NR2C1: variants seen among roughly 807,000 people sequenced by gnomAD.
NR2C1 encodes the protein TR2 nuclear hormone receptor.
A neutral mutation model predicts 74.8 loss-of-function variants in NR2C1; 33 were observed. The ratio of observed to expected loss-of-function variants is 0.44; its 90% confidence interval spans 0.33 to 0.59. NR2C1 has a LOEUF of 0.59. Ranked by LOEUF, NR2C1 falls within the 20% of genes least tolerant of loss-of-function variation. The pLI is 0.02. For synonymous variants in NR2C1, 225 were observed against 240.6 expected, an observed-to-expected ratio of 0.94 and a Z score of 0.60; for missense variants, 568 against 715.6, an observed-to-expected ratio of 0.79 and a Z score of 2.35.
At chr12:95,053,681 GTTTTTTTT>G (rs550069594) in intron 7 of NR2C1, among the ~76,000 whole-genome samples, 2 of 103,414 alleles carry the variant, frequency 1.9e-5, no homozygotes, top group Non-Finnish European at 3.8e-5. Context: ...TCTTTTTGGT[GTTTTTTTT>G]TTTTTTTTTT....
chr12:95,029,936 A>G (rs1869859244), intron 11 of NR2C1, among the ~76,000 whole-genome samples: 1 of 151,934 alleles, frequency 6.6e-6, no homozygotes, highest in African/African-American at 2.4e-5. Context: ...TGGTGCCATC[A>G]TAGCTCACTG....
rs1419382182 is a variant in NR2C1, at chr12:95,031,487, G to C, written c.1255C>G (p.Gln419Glu). The change falls in exon 11 of 14, where the codon CAA becomes GAA. Residue 419 changes from glutamine to glutamate, a missense_variant and splice_region_variant. Gln to Glu is a conservative substitution (Grantham distance 29). This residue lies in a region of NR2C1 where 39 missense variants were observed against 64.6 expected (regional missense o/e 0.60). Coordinates refer to ENST00000333003, the MANE Select transcript of NR2C1 (RefSeq NM_003297.4). ...LSIPSFQALG[Q>E]ENSISLVKAY... ...TTCACCAGTGATATGCTGTTTTCTTGCCTATTAAAAACAGTAATAAAAGCA... is the reference window on the plus strand; with the variant it reads ...TTCACCAGTGATATGCTGTTTTCTTCCCTATTAAAAACAGTAATAAAAGCA... 3 of 1,584,726 alleles carry C rather than the reference G, an allele frequency of 1.9e-6. No individual in the cohort carries two copies. The highest frequency in any genetic ancestry group is 1.7e-6 in the Non-Finnish European group (2 of 1,169,358).
rs75808930 is a variant in NR2C1, at chr12:95,027,081, G to T, written c.1531+1306C>A. On this transcript the variant is annotated intron_variant, in intron 12 of 13. Transcript: ENST00000333003. ...CATTTTCATTTATTTTTGAGACAGG[G>T]TCTCCCTCTGTCACCCAGGCTAGAA... Among the ~76,000 whole-genome samples the T allele has an allele frequency of 5.6e-3, 852 of 152,176 alleles. 7 individuals are homozygous for T. Among genetic ancestry groups the T allele is most frequent in the African/African-American group, 0.019 (805 of 41,520 alleles).
chr12:95,055,287 G>T (rs901393139), intron 7 of NR2C1, among the ~76,000 whole-genome samples: 3 of 152,228 alleles, frequency 2.0e-5, no homozygotes, highest in African/African-American at 7.2e-5. Flanking sequence ...GGGCAGAGTA[G>T]TTTGTCAAGG....
intron 10 of NR2C1, among the ~76,000 whole-genome samples, chr12:95,033,496 T>C (rs1870419761): frequency 6.6e-6 from 1 of 152,066 alleles, no homozygotes; most frequent in South Asian, 2.1e-4. Flanking sequence ...CAAGGGCAAA[T>C]GTGCTAAGGT....
chr12:95,066,468 T>A (rs1488046016), intron 2 of NR2C1, among the ~76,000 whole-genome samples: 5 of 152,242 alleles, frequency 3.3e-5, no homozygotes, highest in Non-Finnish European at 7.3e-5. Context: ...TAAAGAAAAT[T>A]CAGCTTCGTA....
At chr12:95,022,751 T>G (rs1592715470) in intron 13 of NR2C1, among the ~76,000 whole-genome samples, 1 of 150,486 alleles carries the variant, frequency 6.6e-6, no homozygotes, top group Non-Finnish European at 1.5e-5. Flanking sequence ...CAAACTGGAG[T>G]GCAGTGGTGT....
chr12:95,057,098 A>ATTTTTTTTTT (rs1184465413), intron 7 of NR2C1, among the ~76,000 whole-genome samples: 2 of 111,560 alleles, frequency 1.8e-5, no homozygotes, highest in Non-Finnish European at 3.6e-5. Context: ...AACATTTCTG[A>ATTTTTTTTTT]TTTTTTTTTT....
rs188483448 is a variant in NR2C1 at position 95,031,822 on chromosome 12, T to C, written c.1254-334A>G. On this transcript the variant is annotated intron_variant, in intron 10 of 13. Transcript: ENST00000333003. Reference sequence around the variant, plus strand: ...CAAAAGCATATATTAAAAAAAAACTTTTGCTTTGAATATAGGTAAATACCT... The same window carrying C: ...CAAAAGCATATATTAAAAAAAAACTCTTGCTTTGAATATAGGTAAATACCT... 4.4e-3 allele frequency among the ~76,000 whole-genome samples: 665 copies of C among 152,322 alleles called. 2 individuals carry two copies. The highest frequency in any genetic ancestry group is 6.7e-3 in the Non-Finnish European group (454 of 68,022).
intron 2 of NR2C1, among the ~76,000 whole-genome samples, chr12:95,066,207 T>C (rs1466234871): frequency 2.0e-5 from 3 of 152,192 alleles, no homozygotes; most frequent in Non-Finnish European, 4.4e-5. Flanking sequence ...CTATGTTGTT[T>C]TGGTTATAAC....
At chr12:95,036,696 A>G (rs1870892256) in intron 10 of NR2C1, among the ~76,000 whole-genome samples, 1 of 151,820 alleles carries the variant, frequency 6.6e-6, no homozygotes, top group African/African-American at 2.4e-5. Context: ...TTTTTAGTAG[A>G]GACAGGGTTT....
intron 9 of NR2C1, among the ~76,000 whole-genome samples, chr12:95,042,295 C>T (rs549400190): frequency 6.7e-6 from 1 of 148,176 alleles, no homozygotes; most frequent in Non-Finnish European, 1.5e-5. Context: ...GATCTCAGCT[C>T]TCTGCCCAGG....
intron 13 of NR2C1, among the ~76,000 whole-genome samples, chr12:95,023,009 T>C (rs1465009335): frequency 1.3e-5 from 2 of 151,902 alleles, no homozygotes; most frequent in African/African-American, 4.8e-5. Flanking sequence ...GGCCAAGTTA[T>C]ACATTTAAGA....
intron 1 of NR2C1, among the ~76,000 whole-genome samples, chr12:95,071,347 A>T (rs1045805343): frequency 2.6e-5 from 4 of 152,238 alleles, no homozygotes; most frequent in Non-Finnish European, 4.4e-5. Context: ...GTAAAATTTT[A>T]TCTAAAGGTG....
chr12:95,052,561 T>C (rs1352236966), intron 7 of NR2C1, among the ~76,000 whole-genome samples: 1 of 152,132 alleles, frequency 6.6e-6, no homozygotes, highest in Non-Finnish European at 1.5e-5. Context: ...GGCTCACTGA[T>C]CCTCCTACCT....
chr12:95,022,469 A>C, intron 13 of NR2C1, 66 bp from the exon 14 acceptor site: 1 of 1,270,720 alleles, frequency 7.9e-7, no homozygotes, highest in Non-Finnish European at 1.1e-6. Context: ...TAGTAGAAAA[A>C]TATGAGTAAT....
chr12:95,022,312 T>C lies in NR2C1; in HGVS notation c.1729A>G (p.Ile577Val). The C allele has an allele frequency of 6.2e-7, 1 of 1,613,058 alleles. No individual in the cohort carries two copies. The change falls in exon 14 of 14, where the codon ATA (isoleucine) becomes GTA (valine). Residue 577 changes from isoleucine to valine, a missense_variant. Physicochemically the swap from Ile to Val is conservative, Grantham distance 29. Around this residue, in one of 6 missense-constraint regions of NR2C1, gnomAD observed 117 missense variants for 186.7 expected, o/e 0.63. Coordinates refer to ENST00000333003, the MANE Select transcript of NR2C1 (RefSeq NM_003297.4). The part of the protein sequence containing the change: ...ELFFKGLIGN[I>V]RIDSVIPHIL... ...TGTGGGATAACACTGTCAATTCGTA[T>C]ATTGCCAATGAGACCTTTGAAAAAC...
intron 12 of NR2C1, among the ~76,000 whole-genome samples, chr12:95,026,097 C>T (rs112031118): frequency 8.4e-4 from 127 of 151,816 alleles, no homozygotes; most frequent in African/African-American, 2.9e-3. Context: ...ATCCCAGCTA[C>T]TTGGGAGGCT....
chr12:95,060,638 G>A (rs1424806004), intron 3 of NR2C1, among the ~76,000 whole-genome samples: 1 of 152,180 alleles, frequency 6.6e-6, no homozygotes, highest in Admixed American at 6.5e-5. Context: ...CTGGGAGACA[G>A]AACGAGACTC....
Sources: gnomAD v4.1 joint callset for allele counts (sites outside exome capture counted in the v4.1 genomes callset) on GRCh38, gnomAD v4.1.1 for gene constraint, gnomAD v4.1.1 regional missense constraint, MANE v1.5 for transcripts, NCBI Gene and HGNC (gene_info 2026-07-23, HGNC 2026-07-21) for gene names.